Variants in CAMKMT observed in about 807,000 individuals in gnomAD.
CAMKMT encodes CaM KMT.
In CAMKMT, 53 loss-of-function variants were observed where a neutral mutation model predicts 48.0. The observed-to-expected ratio is 1.10, with a 90% CI of 0.89 to 1.39. CAMKMT has a LOEUF of 1.39. Ranked by LOEUF, CAMKMT falls within the 40% of genes most tolerant of loss-of-function variation. CAMKMT has a pLI of 0.00. For synonymous variants in CAMKMT, 165 were observed against 152.3 expected (o/e 1.08, Z -0.61); for missense variants, 428 against 402.7 (o/e 1.06, Z -0.54).
At position 44,629,337 on chromosome 2, in the gene CAMKMT, A is replaced by G. The variant is rs1176985772; in HGVS notation, c.377-74946A>G. On this transcript the variant is annotated intron_variant, in intron 3 of 10. Coordinates refer to ENST00000378494, the MANE Select transcript of CAMKMT (RefSeq NM_024766.5). ...CTGTGTCTGATATCAATACAGCTAC[A>G]CTAACCTCATGATTAGTGTGCACAT... Among the ~76,000 whole-genome samples, 8 of 152,008 alleles carry G rather than the reference A, an allele frequency of 5.3e-5. No individual in the cohort carries two copies. In the East Asian group the frequency reaches 1.3e-3, roughly 26 times the overall value.
intron 3 of CAMKMT, among the ~76,000 whole-genome samples, chr2:44,471,031 C>T (rs1436426968): frequency 8.0e-6 from 1 of 124,768 alleles, no homozygotes; most frequent in Non-Finnish European, 1.6e-5. Context: ...GTTTCGCTCT[C>T]TCACCCAGGC....
chr2:44,404,469 G>A (rs542889295), intron 3 of CAMKMT, among the ~76,000 whole-genome samples: 122 of 152,122 alleles, frequency 8.0e-4, no homozygotes, highest in Non-Finnish European at 1.4e-3. Flanking sequence ...TTTGCTAGGA[G>A]AGCACTAAGT....
At chr2:44,367,817 G>A (rs888080250) in intron 1 of CAMKMT, among the ~76,000 whole-genome samples, 1 of 152,176 alleles carries the variant, frequency 6.6e-6, no homozygotes, top group Non-Finnish European at 1.5e-5. Flanking sequence ...TACCATTGTG[G>A]GGAAGTGTAG....
At chr2:44,668,357 C>T (rs887483373) in intron 3 of CAMKMT, among the ~76,000 whole-genome samples, 1 of 152,208 alleles carries the variant, frequency 6.6e-6, no homozygotes, top group Non-Finnish European at 1.5e-5. Flanking sequence ...CAGACCCCAG[C>T]TCTCCTCGCC....
chr2:44,523,678 T>C (rs904157189), intron 3 of CAMKMT, among the ~76,000 whole-genome samples: 4 of 151,710 alleles, frequency 2.6e-5, no homozygotes, highest in African/African-American at 9.7e-5. Flanking sequence ...ACTGGGACCA[T>C]AGACTATAGA....
chr2:44,503,774 C>A (rs564778430), intron 3 of CAMKMT, among the ~76,000 whole-genome samples: 1 of 152,266 alleles, frequency 6.6e-6, no homozygotes, highest in South Asian at 2.1e-4. Flanking sequence ...GACTGGTTGG[C>A]TTAAACAACA....
At chr2:44,758,390 G>A (rs572154976) in intron 9 of CAMKMT, among the ~76,000 whole-genome samples, 13 of 152,274 alleles carry the variant, frequency 8.5e-5, no homozygotes, top group African/African-American at 3.1e-4. Context: ...ATCCCAGGCT[G>A]AGCTTAGATT....
At chr2:44,438,919 C>T (rs570647157) in intron 3 of CAMKMT, among the ~76,000 whole-genome samples, 1 of 152,258 alleles carries the variant, frequency 6.6e-6, no homozygotes, top group East Asian at 1.9e-4. Context: ...ACACGGCATC[C>T]CCTTAACCCC....
At chr2:44,402,923 GTT>G (rs67305689) in intron 3 of CAMKMT, among the ~76,000 whole-genome samples, 20 of 134,356 alleles carry the variant, frequency 1.5e-4, no homozygotes, top group South Asian at 9.4e-4. Flanking sequence ...ATTACTGAAA[GTT>G]TTTTTTTTTT....
intron 3 of CAMKMT, among the ~76,000 whole-genome samples, chr2:44,503,117 T>C (rs928129294): frequency 2.0e-5 from 3 of 152,180 alleles, no homozygotes; most frequent in African/African-American, 4.8e-5. Context: ...AAAAAAAGCT[T>C]ATTTCATTAT....
chr2:44,705,132 A>G (rs1677481060), intron 4 of CAMKMT, among the ~76,000 whole-genome samples: 1 of 152,148 alleles, frequency 6.6e-6, no homozygotes, highest in Non-Finnish European at 1.5e-5. Flanking sequence ...GATTGGGTCA[A>G]TAATATGTAT....
At chr2:44,416,568 A>ATTTTTTT (rs34882377) in intron 3 of CAMKMT, among the ~76,000 whole-genome samples, 28 of 80,252 alleles carry the variant, frequency 3.5e-4, no homozygotes, top group African/African-American at 5.9e-4. Flanking sequence ...ACTTAGCATG[A>ATTTTTTT]TTTTTTTTTT....
At chr2:44,440,380 C>T (rs1469847454) in intron 3 of CAMKMT, among the ~76,000 whole-genome samples, 1 of 152,066 alleles carries the variant, frequency 6.6e-6, no homozygotes, top group Non-Finnish European at 1.5e-5. Context: ...AGATTGTCCC[C>T]AGGGCACCAT....
intron 8 of CAMKMT, among the ~76,000 whole-genome samples, chr2:44,744,952 G>A (rs529594820): frequency 2.0e-5 from 3 of 152,266 alleles, no homozygotes; most frequent in East Asian, 3.9e-4. Context: ...CAATGATAAT[G>A]TGCCTCAATG....
chr2:44,598,121 A>G (rs536720912), intron 3 of CAMKMT, among the ~76,000 whole-genome samples: 3 of 152,250 alleles, frequency 2.0e-5, no homozygotes, highest in Admixed American at 6.5e-5. Flanking sequence ...ATGAGCTACT[A>G]AATATCATTT....
intron 3 of CAMKMT, among the ~76,000 whole-genome samples, chr2:44,415,151 G>A (rs1067389): frequency 0.75 from 113,798 of 151,984 alleles, 43,667 homozygotes; most frequent in African/African-American, 0.88. Flanking sequence ...CTCCGTCTCG[G>A]AAAAAAGAAA....
intron 3 of CAMKMT, among the ~76,000 whole-genome samples, chr2:44,563,929 T>C (rs1668468647): frequency 6.6e-6 from 1 of 152,194 alleles, no homozygotes; most frequent in Non-Finnish European, 1.5e-5. Context: ...AGTGCCGCAA[T>C]GAACATACAT....
At chr2:44,456,513 G>A in intron 3 of CAMKMT, 1 of 1,542,072 alleles carries the variant, frequency 6.5e-7, no homozygotes. Flanking sequence ...GGAATGAAAA[G>A]CTTTAACTAC....
intron 3 of CAMKMT, among the ~76,000 whole-genome samples, chr2:44,437,736 C>A (rs1345353971): frequency 6.6e-6 from 1 of 151,114 alleles, no homozygotes; most frequent in African/African-American, 2.4e-5. Context: ...GACCCAGCTA[C>A]TCGGGAGGTT....
Sources: allele counts gnomAD v4.1 joint callset (sites outside exome capture counted in the v4.1 genomes callset), GRCh38; gene constraint gnomAD v4.1.1; transcripts MANE v1.5; gene names NCBI Gene and HGNC (gene_info 2026-07-23, HGNC 2026-07-21).